Variants in GLE1 observed in about 807,000 individuals in gnomAD.
GLE1 encodes GLE1 RNA export mediator, also known as mRNA export factor GLE1.
A neutral mutation model predicts 97.3 loss-of-function variants in GLE1; 78 were observed. The ratio of observed to expected loss-of-function variants is 0.80; its 90% CI spans 0.67 to 0.97. GLE1 has a LOEUF of 0.97. Ranked by LOEUF, GLE1 falls within the 50% of genes least tolerant of loss-of-function variation. GLE1 has a pLI of 0.00. For synonymous variants in GLE1, 302 were observed against 313.4 expected, an observed-to-expected ratio of 0.96 and a Z score of 0.39; for missense variants, 753 against 857.5, an observed-to-expected ratio of 0.88 and a Z score of 1.52.
intron 11 of GLE1, among the ~76,000 whole-genome samples, chr9:128,535,295 C>T (rs1367554724): frequency 6.7e-6 from 1 of 148,770 alleles, no homozygotes; most frequent in African/African-American, 2.5e-5. Context: ...CCAAAGCGGG[C>T]GGATCACCTG....
intron 9 of GLE1, among the ~76,000 whole-genome samples, chr9:128,531,965 C>G (rs1272851194): frequency 6.6e-6 from 1 of 151,754 alleles, no homozygotes; most frequent in East Asian, 1.9e-4. Flanking sequence ...TAACTTTCCT[C>G]CTACCTAGAG....
intron 5 of GLE1, 123 bp from the exon 6 acceptor site, chr9:128,523,469 G>C: frequency 7.1e-7 from 1 of 1,411,080 alleles, no homozygotes; most frequent in South Asian, 1.2e-5. Flanking sequence ...ACTAACCTTG[G>C]GATGTCCTCT....
rs919743158 is a variant in GLE1, at chr9:128,510,067, C to CT, written c.321+978dup. 4.0e-5 allele frequency among the ~76,000 whole-genome samples: 6 copies of CT among 151,756 alleles called. No individual in the cohort carries two copies. In the East Asian group the frequency reaches 9.6e-4, roughly 24 times the overall value. On this transcript the variant is annotated intron_variant, in intron 2 of 15. Transcript: ENST00000309971. ...GAACATGTCTTCTTCTTCACCCTCC[C>CT]TTTTTTTTGAGCTGAGGTCTGTCTC...
intron 3 of GLE1, 112 bp from the exon 4 acceptor site, chr9:128,522,556 G>GA: frequency 8.3e-7 from 1 of 1,211,216 alleles, no homozygotes; most frequent in South Asian, 1.4e-5. Flanking sequence ...GGGGAGCTGA[G>GA]ACAAGAATCG....
intron 3 of GLE1, among the ~76,000 whole-genome samples, chr9:128,518,394 C>T (rs1847046346): frequency 6.6e-6 from 1 of 151,852 alleles, no homozygotes; most frequent in Admixed American, 6.6e-5. Flanking sequence ...AACCCTGTCT[C>T]TACTAAAAAT....
chr9:128,513,232 CA>C, intron 2 of GLE1, among the ~76,000 whole-genome samples: 1 of 151,980 alleles, frequency 6.6e-6, no homozygotes, highest in South Asian at 2.1e-4. Flanking sequence ...ACATCTCCCC[CA>C]CATAGGATTG....
In GLE1 at chr9:128,509,403, C is replaced by T. The variant is rs1220116794; in HGVS notation, c.321+306C>T. 2.6e-5 allele frequency among the ~76,000 whole-genome samples: 4 copies of T among 151,380 alleles called. No individual in the cohort carries two copies. The East Asian group carries it at 7.8e-4, about 29-fold the overall frequency. On this transcript the variant is annotated intron_variant, in intron 2 of 15. Transcript: ENST00000309971. The stretch of plus-strand genomic sequence containing the variant: ...ATGGTCTCCCTTTTTGTGTTATCTG[C>T]TGGAAGAAGGCTTAGAGTGAAATGT...
chr9:128,514,027 A>G (rs1281390307), intron 2 of GLE1, among the ~76,000 whole-genome samples: 2 of 149,474 alleles, frequency 1.3e-5, no homozygotes, highest in Non-Finnish European at 3.0e-5. Flanking sequence ...CAAAAAAAAA[A>G]AAAAAGAAAA....
At chr9:128,531,209 C>T (rs1314502632) in intron 9 of GLE1, among the ~76,000 whole-genome samples, 1 of 120,894 alleles carries the variant, frequency 8.3e-6, no homozygotes, top group Admixed American at 9.3e-5. Context: ...AGCAAAACTC[C>T]ATCTCAAAAA....
chr9:128,526,795 A>G (rs1465382126), intron 7 of GLE1, among the ~76,000 whole-genome samples: 2 of 151,688 alleles, frequency 1.3e-5, no homozygotes, highest in African/African-American at 4.8e-5. Flanking sequence ...TCAGCCTCCC[A>G]AGTAACTGGG....
At chr9:128,510,672 G>A (rs959552232) in intron 2 of GLE1, among the ~76,000 whole-genome samples, 1 of 151,342 alleles carries the variant, frequency 6.6e-6, no homozygotes, top group South Asian at 2.1e-4. Flanking sequence ...GAGATTACAG[G>A]TGTGCGCCAC....
At position 128,540,354 on chromosome 9, in the gene GLE1, ACCAACATGCC is replaced by A. The variant is rs757123195; in HGVS notation, c.2028+20_2028+29del. 5.2e-5 allele frequency: 80 copies of A among 1,547,736 alleles called. No homozygotes were observed. In the East Asian group the frequency reaches 1.7e-3, roughly 33 times the overall value. ...GTTCTTGGAGGTAAGATGCCCTTAG[ACCAACATGCC>A]CCACACTGTTGTTGGGCTGGAATGC... On this transcript the variant is annotated intron_variant, in intron 15 of 15. Coordinates refer to ENST00000309971, the MANE Select transcript of GLE1 (RefSeq NM_001003722.2).
intron 14 of GLE1, chr9:128,539,918 A>G: frequency 7.4e-7 from 1 of 1,357,306 alleles, no homozygotes; most frequent in Non-Finnish European, 9.8e-7. Context: ...ACAAAAACAC[A>G]AATTAGGGGC....
chr9:128,520,561 G>C (rs1320024491), intron 3 of GLE1, among the ~76,000 whole-genome samples: 1 of 151,652 alleles, frequency 6.6e-6, no homozygotes, highest in Non-Finnish European at 1.5e-5. Context: ...ACATTTAGCC[G>C]GTAGCTCCGT....
At chr9:128,509,829 C>T (rs546676619) in intron 2 of GLE1, among the ~76,000 whole-genome samples, 4 of 151,946 alleles carry the variant, frequency 2.6e-5, no homozygotes, top group South Asian at 2.1e-4. Flanking sequence ...CATGGTGGCT[C>T]GAGCTTGTTG....
intron 14 of GLE1, 178 bp downstream of exon 14, chr9:128,539,876 A>C (rs1006411201): frequency 6.7e-7 from 1 of 1,502,504 alleles, no homozygotes; most frequent in Non-Finnish European, 8.9e-7. Context: ...TTTGAACCTT[A>C]ATGAGAGTCT....
intron 9 of GLE1, among the ~76,000 whole-genome samples, chr9:128,529,617 A>G (rs80217474): frequency 0.043 from 6,400 of 149,262 alleles, 229 homozygotes; most frequent in Non-Finnish European, 0.065. Flanking sequence ...TCTCTGTGCA[A>G]CTCTACTCCT....
rs117197559 is a variant in GLE1 at position 128,505,937 on chromosome 9, G to T, written c.99+1033G>T. 8.1e-3 allele frequency among the ~76,000 whole-genome samples: 1,240 copies of T among 152,198 alleles called. 41 individuals are homozygous for T. The highest frequency in any genetic ancestry group is 0.06 in the Admixed American group (915 of 15,282). On this transcript the variant is annotated intron_variant, in intron 1 of 15. Transcript: ENST00000309971. ...CTATTCCTTCTGCATTTGTTAGTTG[G>T]CATTCTACTGTAAGGAGGTGCTTTC...
At chr9:128,540,455 A>G (rs1847853278) in intron 15 of GLE1, 117 bp downstream of exon 15, 2 of 744,542 alleles carry the variant, frequency 2.7e-6, no homozygotes, top group East Asian at 2.6e-5. Flanking sequence ...AGTTCTTCCA[A>G]ACCCTTCTTT....
Sources: gnomAD v4.1 joint callset for allele counts (sites outside exome capture counted in the v4.1 genomes callset) on GRCh38, gnomAD v4.1.1 for gene constraint, MANE v1.5 for transcripts, NCBI Gene and HGNC (gene_info 2026-07-23, HGNC 2026-07-21) for gene names.